MKLN1: variants seen among roughly 807,000 people sequenced by gnomAD.
MKLN1 encodes the protein muskelin 1.
MKLN1 carries 18 observed loss-of-function variants against 99.0 expected under a neutral mutation model. The ratio of observed to expected loss-of-function variants is 0.18; its 90% CI spans 0.13 to 0.27. The LOEUF is 0.27. Ranked by LOEUF, MKLN1 falls within the 10% of genes least tolerant of loss-of-function variation. The pLI, the probability that MKLN1 is intolerant of heterozygous loss-of-function variation, is 1.00. For synonymous variants in MKLN1, 288 were observed against 293.2 expected (o/e 0.98, Z 0.18); for missense variants, 621 against 875.9 (o/e 0.71, Z 3.67).
intron 1 of MKLN1, among the ~76,000 whole-genome samples, chr7:131,132,440 A>G (rs765035124): frequency 1.3e-4 from 20 of 152,230 alleles, no homozygotes; most frequent in Non-Finnish European, 2.5e-4. Flanking sequence ...ACACATATAC[A>G]TACATACATA....
At chr7:131,313,142 CG>C (rs1419746245) in intron 3 of MKLN1, among the ~76,000 whole-genome samples, 1 of 152,174 alleles carries the variant, frequency 6.6e-6, no homozygotes, top group Non-Finnish European at 1.5e-5. Context: ...AATTTGAAGA[CG>C]TTTCTATTTT....
chr7:131,299,596 A>G (rs1280322720), intron 3 of MKLN1, among the ~76,000 whole-genome samples: 1 of 152,240 alleles, frequency 6.6e-6, no homozygotes, highest in Non-Finnish European at 1.5e-5. Flanking sequence ...TTACATAAAC[A>G]TGCTCTTTGA....
At position 131,124,938 on chromosome 7, in the gene MKLN1, T is replaced by A. The variant is rs1795430652; in HGVS notation, c.-419+14731T>A. Among the ~76,000 whole-genome samples, 3 of 152,176 alleles carry A rather than the reference T, an allele frequency of 2.0e-5. No homozygotes were observed. The South Asian group carries it at 6.2e-4, about 31-fold the overall frequency. ...TATTAACAGCTTCCTGAACTTTATG[T>A]GATTAAGAGACACAAGGTTTTGCAG... On this transcript the variant is annotated intron_variant, in intron 1 of 7. Coordinates refer to the MKLN1 transcript ENST00000416992.
intron 6 of MKLN1, among the ~76,000 whole-genome samples, chr7:131,406,415 G>A (rs1234604349): frequency 6.6e-6 from 1 of 151,910 alleles, no homozygotes; most frequent in Non-Finnish European, 1.5e-5. Flanking sequence ...TGAGGATTTA[G>A]TAGACTTTCA....
chr7:131,153,035 T>TA (rs1563232771), intron 2 of MKLN1, among the ~76,000 whole-genome samples: 185 of 120,414 alleles, frequency 1.5e-3, no homozygotes, highest in Middle Eastern at 4.4e-3. Context: ...ATATATATAT[T>TA]TTTTTTTTTT....
intron 1 of MKLN1, among the ~76,000 whole-genome samples, chr7:131,126,818 T>G (rs1216771070): frequency 6.6e-6 from 1 of 152,178 alleles, no homozygotes; most frequent in Non-Finnish European, 1.5e-5. Context: ...CCTCCCAAAG[T>G]GCTGGGATTA....
At chr7:131,123,763 G>A (rs984555680) in intron 1 of MKLN1, among the ~76,000 whole-genome samples, 9 of 149,142 alleles carry the variant, frequency 6.0e-5, no homozygotes, top group Non-Finnish European at 8.9e-5. Flanking sequence ...ACTCCAGCCT[G>A]GGCAACAGAG....
intron 12 of MKLN1, among the ~76,000 whole-genome samples, chr7:131,457,620 A>G (rs10252048): frequency 0.016 from 2,470 of 152,254 alleles, 46 homozygotes; most frequent in African/African-American, 0.054. Flanking sequence ...AAGGAAAGAA[A>G]AATAAAAATT....
intron 9 of MKLN1, among the ~76,000 whole-genome samples, chr7:131,431,884 T>C (rs917253221): frequency 6.6e-6 from 1 of 152,196 alleles, no homozygotes; most frequent in South Asian, 2.1e-4. Context: ...GCAATGTTGT[T>C]TTCCTTGTTT....
chr7:131,206,682 G>T (rs1796816694), intron 3 of MKLN1, among the ~76,000 whole-genome samples: 1 of 151,556 alleles, frequency 6.6e-6, no homozygotes, highest in African/African-American at 2.4e-5. Flanking sequence ...CAGCCTCCAG[G>T]GTAGTTAGGA....
At chr7:131,305,041 C>T (rs543835453) in intron 3 of MKLN1, among the ~76,000 whole-genome samples, 1 of 152,136 alleles carries the variant, frequency 6.6e-6, no homozygotes, top group Non-Finnish European at 1.5e-5. Context: ...AGCAACAAGG[C>T]GTCATCTTGG....
intron 3 of MKLN1, among the ~76,000 whole-genome samples, chr7:131,261,026 A>T (rs1797724992): frequency 6.6e-6 from 1 of 152,280 alleles, no homozygotes; most frequent in Non-Finnish European, 1.5e-5. Context: ...TGTAAAACAT[A>T]AAACTATAAA....
intron 1 of MKLN1, among the ~76,000 whole-genome samples, chr7:131,335,576 A>G (rs1799226849): frequency 6.6e-6 from 1 of 152,110 alleles, no homozygotes. Context: ...CTAAGACTAT[A>G]GGGTTTCCTC....
chr7:131,463,620 C>T (rs546346708), intron 13 of MKLN1, among the ~76,000 whole-genome samples: 11 of 152,264 alleles, frequency 7.2e-5, no homozygotes, highest in South Asian at 2.1e-4. Context: ...GTCTAGGTTC[C>T]GTTCTCAAGT....
chr7:131,117,682 A>C (rs999133194), intron 1 of MKLN1, among the ~76,000 whole-genome samples: 5 of 152,240 alleles, frequency 3.3e-5, no homozygotes, highest in Non-Finnish European at 5.9e-5. Flanking sequence ...GGGAGATAAA[A>C]TAGAGCAGAG....
rs369699779 is a variant in MKLN1, at chr7:131,205,760, C to T, written c.-179+2786C>T. Among the ~76,000 whole-genome samples the T allele has an allele frequency of 1.8e-4, 28 of 152,246 alleles. No homozygotes were observed. The East Asian group carries it at 5.0e-3, about 27-fold the overall frequency. ...GTCAACCAGGAGCCACTGGCTGCTCCTAGAGGCCTTGCATGTTTTCCTTCT... is the reference window on the plus strand; with the variant it reads ...GTCAACCAGGAGCCACTGGCTGCTCTTAGAGGCCTTGCATGTTTTCCTTCT... On this transcript the variant is annotated intron_variant, in intron 3 of 7. Transcript: ENST00000416992.
chr7:131,476,981 A>T (rs563746658), intron 16 of MKLN1, among the ~76,000 whole-genome samples: 1 of 152,292 alleles, frequency 6.6e-6, no homozygotes, highest in Admixed American at 6.5e-5. Flanking sequence ...CCAACGGGGA[A>T]AAGAAAGTTT....
chr7:131,241,105 T>A (rs1797394876), intron 3 of MKLN1, among the ~76,000 whole-genome samples: 1 of 152,232 alleles, frequency 6.6e-6, no homozygotes, highest in South Asian at 2.1e-4. Flanking sequence ...AAAGTACTCC[T>A]TAGCAGGCTA....
At chr7:131,241,009 T>G (rs1204830325) in intron 3 of MKLN1, among the ~76,000 whole-genome samples, 2 of 152,216 alleles carry the variant, frequency 1.3e-5, no homozygotes, top group Admixed American at 1.3e-4. Context: ...TTGCTGATAT[T>G]CATCCCATGG....
Sources: gnomAD v4.1 joint callset for allele counts (sites outside exome capture counted in the v4.1 genomes callset) on GRCh38, gnomAD v4.1.1 for gene constraint, MANE v1.5 for transcripts, NCBI Gene and HGNC (gene_info 2026-07-23, HGNC 2026-07-21) for gene names.